SMYD3: variants seen among roughly 807,000 people sequenced by gnomAD.
SMYD3 encodes SET and MYND domain containing 3.
In SMYD3, 36 loss-of-function variants were observed where a neutral mutation model predicts 57.7. The ratio of observed to expected loss-of-function variants is 0.62; its 90% CI spans 0.48 to 0.82. SMYD3 has a LOEUF of 0.82. Ranked by LOEUF, SMYD3 falls within the 40% of genes least tolerant of loss-of-function variation. The pLI is 0.00. For missense variants in SMYD3, 515 were observed against 538.8 expected (o/e 0.96, Z 0.44); for synonymous variants, 211 against 195.0 (o/e 1.08, Z -0.68).
chr1:245,768,226 A>G (rs2046196818), intron 10 of SMYD3, among the ~76,000 whole-genome samples: 1 of 152,188 alleles, frequency 6.6e-6, no homozygotes, highest in South Asian at 2.1e-4. Context: ...TTGGAAAAAA[A>G]TGTTTTTGGT....
At chr1:246,332,519 G>C (rs1401927103) in intron 3 of SMYD3, among the ~76,000 whole-genome samples, 1 of 152,240 alleles carries the variant, frequency 6.6e-6, no homozygotes, top group Non-Finnish European at 1.5e-5. Flanking sequence ...ATAAAAGCAC[G>C]AGGTGGCCAG....
At chr1:246,285,744 T>G (rs1250226124) in intron 5 of SMYD3, among the ~76,000 whole-genome samples, 1 of 151,830 alleles carries the variant, frequency 6.6e-6, no homozygotes, top group Non-Finnish European at 1.5e-5. Flanking sequence ...AATCTATACA[T>G]CCAACAAAGG....
chr1:246,424,327 T>C (rs1208423485), intron 1 of SMYD3, among the ~76,000 whole-genome samples: 2 of 151,580 alleles, frequency 1.3e-5, no homozygotes, highest in African/African-American at 4.9e-5. Context: ...CAAACAAGTA[T>C]AGCTAACAAG....
At chr1:245,780,514 G>A (rs2046786419) in intron 10 of SMYD3, among the ~76,000 whole-genome samples, 1 of 152,134 alleles carries the variant, frequency 6.6e-6, no homozygotes, top group Non-Finnish European at 1.5e-5. Flanking sequence ...TAGATTAGTA[G>A]TTTCCATGGG....
intron 2 of SMYD3, among the ~76,000 whole-genome samples, chr1:246,346,992 A>G (rs2065731989): frequency 6.6e-6 from 1 of 152,168 alleles, no homozygotes; most frequent in Non-Finnish European, 1.5e-5. Context: ...TCTAAAAACC[A>G]AGAAGAACTG....
chr1:246,024,446 C>T (rs1332897492), intron 5 of SMYD3, among the ~76,000 whole-genome samples: 1 of 118,946 alleles, frequency 8.4e-6, no homozygotes, highest in Admixed American at 8.0e-5. Flanking sequence ...AAGAGAGATA[C>T]AGCAAGTGGA....
At chr1:246,263,217 C>T (rs2064042892) in intron 5 of SMYD3, among the ~76,000 whole-genome samples, 2 of 152,120 alleles carry the variant, frequency 1.3e-5, no homozygotes, top group South Asian at 2.1e-4. Context: ...CATTTACTAG[C>T]TACCTTATTT....
intron 1 of SMYD3, among the ~76,000 whole-genome samples, chr1:246,435,785 ACAAGAATTC>A (rs950867501): frequency 4.2e-4 from 64 of 152,310 alleles, no homozygotes; most frequent in African/African-American, 1.5e-3. Flanking sequence ...AGGAGAAGAT[ACAAGAATTC>A]CAAGAATTCC....
intron 5 of SMYD3, among the ~76,000 whole-genome samples, chr1:245,931,316 T>C (rs1572722136): frequency 6.6e-6 from 1 of 152,192 alleles, no homozygotes; most frequent in Non-Finnish European, 1.5e-5. Context: ...CGGATGTCGG[T>C]AGCAGGAGAA....
chr1:246,402,424 C>G (rs2066788014), intron 1 of SMYD3, among the ~76,000 whole-genome samples: 1 of 137,010 alleles, frequency 7.3e-6, no homozygotes, highest in Non-Finnish European at 1.6e-5. Context: ...TCTGTGATTT[C>G]AGGGCACAAA....
intron 8 of SMYD3, among the ~76,000 whole-genome samples, chr1:245,887,511 G>A (rs551243842): frequency 6.6e-6 from 1 of 152,244 alleles, no homozygotes; most frequent in African/African-American, 2.4e-5. Flanking sequence ...TGAGATCCAA[G>A]AACCTTCTCT....
chr1:246,235,418 T>C (rs1258957817), intron 5 of SMYD3, among the ~76,000 whole-genome samples: 1 of 152,198 alleles, frequency 6.6e-6, no homozygotes, highest in African/African-American at 2.4e-5. Context: ...TGCAGAATTA[T>C]AAAATACAAC....
At position 246,391,891 on chromosome 1, in the gene SMYD3, C is replaced by T. The variant is rs977958908; in HGVS notation, c.165-36797G>A. 1.2e-4 allele frequency among the ~76,000 whole-genome samples: 19 copies of T among 152,174 alleles called. 1 individual carries two copies. Among genetic ancestry groups the T allele is most frequent in the Non-Finnish European group, 1.2e-4 (8 of 68,030 alleles). ...CCTATAAATCTCATCTTACCCCGAA[C>T]ATTCAATGTCTTCAAATTCCTATGC... is the stretch of plus-strand genomic sequence containing the variant. On this transcript the variant is annotated intron_variant, in intron 1 of 11. Transcript: ENST00000490107.
intron 11 of SMYD3, among the ~76,000 whole-genome samples, chr1:245,762,044 C>T (rs2045869253): frequency 6.6e-6 from 1 of 152,128 alleles, no homozygotes; most frequent in Admixed American, 6.5e-5. Context: ...CTCAGCCTCC[C>T]AAAGTGCTGG....
intron 5 of SMYD3, among the ~76,000 whole-genome samples, chr1:246,206,926 T>C (rs535385583): frequency 6.6e-5 from 10 of 152,180 alleles, no homozygotes; most frequent in Non-Finnish European, 1.2e-4. Flanking sequence ...GTATTAATTA[T>C]TGAATTCACT....
intron 5 of SMYD3, among the ~76,000 whole-genome samples, chr1:246,321,097 A>G (rs1308222282): frequency 1.3e-5 from 2 of 152,216 alleles, no homozygotes; most frequent in African/African-American, 2.4e-5. Flanking sequence ...AAGAAAAGAC[A>G]CCATTGCCTG....
intron 1 of SMYD3, among the ~76,000 whole-genome samples, chr1:246,362,535 C>G (rs1464835769): frequency 6.6e-6 from 1 of 152,144 alleles, no homozygotes; most frequent in Non-Finnish European, 1.5e-5. Flanking sequence ...GTACTGCTGC[C>G]ATCTCGGCTC....
intron 5 of SMYD3, chr1:246,034,403 G>T (rs1328021869): frequency 6.6e-6 from 1 of 152,190 alleles, no homozygotes; most frequent in Non-Finnish European, 1.5e-5. Context: ...GGTTGTAGGG[G>T]ATTATGATCC....
intron 5 of SMYD3, among the ~76,000 whole-genome samples, chr1:246,254,313 A>G (rs2063844029): frequency 6.6e-6 from 1 of 152,228 alleles, no homozygotes; most frequent in African/African-American, 2.4e-5. Flanking sequence ...TAATTTTTAT[A>G]TAAGATGAAA....
Sources: allele counts gnomAD v4.1 joint callset (sites outside exome capture counted in the v4.1 genomes callset), GRCh38; gene constraint gnomAD v4.1.1; transcripts MANE v1.5; gene names NCBI Gene and HGNC (gene_info 2026-07-23, HGNC 2026-07-21).